Variants in EPHA3 observed in about 807,000 individuals in gnomAD.
EPHA3 encodes the protein EPH receptor A3.
In EPHA3, 42 loss-of-function variants were observed where a neutral mutation model predicts 107.1. That is an observed-to-expected ratio of 0.39 (90% CI 0.31 to 0.51). EPHA3 has a LOEUF of 0.51. Ranked by LOEUF, EPHA3 falls within the 20% of genes least tolerant of loss-of-function variation. EPHA3 has a pLI of 0.78. For missense variants in EPHA3, 1,183 were observed against 1,211.2 expected (o/e 0.98, Z 0.35); for synonymous variants, 461 against 424.8 (o/e 1.09, Z -1.05).
intron 5 of EPHA3, among the ~76,000 whole-genome samples, chr3:89,348,657 G>T (rs1238352774): frequency 7.4e-4 from 81 of 109,048 alleles, no homozygotes; most frequent in Middle Eastern, 4.8e-3. Flanking sequence ...CCTTCTGCTA[G>T]CTTTTGAATG....
intron 10 of EPHA3, among the ~76,000 whole-genome samples, chr3:89,415,467 A>AATATATATATATATATATATATAT (rs71621548): frequency 9.9e-5 from 13 of 131,596 alleles, no homozygotes; most frequent in Non-Finnish European, 2.0e-4. Flanking sequence ...TTACAGAAAG[A>AATATATATATATATATATATATAT]ATATATATAT....
intron 3 of EPHA3, among the ~76,000 whole-genome samples, chr3:89,252,344 T>C (rs1413602280): frequency 6.6e-6 from 1 of 152,194 alleles, no homozygotes; most frequent in Non-Finnish European, 1.5e-5. Flanking sequence ...TTTTTGGCTA[T>C]TTGTGTTAAG....
chr3:89,438,562 G>T (rs1302732839), intron 13 of EPHA3, among the ~76,000 whole-genome samples: 1 of 151,832 alleles, frequency 6.6e-6, no homozygotes. Flanking sequence ...ACATTTTCAA[G>T]AACCAAAAAA....
At chr3:89,454,655 A>G (rs1710061226) in intron 15 of EPHA3, among the ~76,000 whole-genome samples, 1 of 152,190 alleles carries the variant, frequency 6.6e-6, no homozygotes, top group African/African-American at 2.4e-5. Flanking sequence ...ATCAATATTG[A>G]ATTCACGTTA....
At chr3:89,208,786 A>G (rs980937889) in intron 2 of EPHA3, among the ~76,000 whole-genome samples, 4 of 152,194 alleles carry the variant, frequency 2.6e-5, no homozygotes, top group African/African-American at 4.8e-5. Context: ...GTTTAGGACC[A>G]GTTTTAAGAG....
intron 2 of EPHA3, among the ~76,000 whole-genome samples, chr3:89,138,348 C>A (rs1704358873): frequency 6.6e-6 from 1 of 151,696 alleles, no homozygotes; most frequent in African/African-American, 2.4e-5. Context: ...TCAATATTTA[C>A]AAATACTTGT....
Position 89,324,969 on chromosome 3 carries a change from C to T in EPHA3, c.815-15947C>T, listed in dbSNP as rs1278655295. ...ATGTGCACTATTTGGTTTTCTGTTC[C>T]TGCCTAATTCACTTCGCATAATGGC... is the stretch of plus-strand genomic sequence containing the variant. On this transcript the variant is annotated intron_variant, in intron 3 of 16. Coordinates refer to ENST00000336596, the MANE Select transcript of EPHA3 (RefSeq NM_005233.6). Among the ~76,000 whole-genome samples the T allele has an allele frequency of 3.9e-5, 6 of 152,216 alleles. No individual in the cohort carries two copies. In the East Asian group the frequency reaches 1.2e-3, roughly 29 times the overall value.
chr3:89,205,790 T>A (rs1462481925), intron 2 of EPHA3, among the ~76,000 whole-genome samples: 2 of 151,888 alleles, frequency 1.3e-5, no homozygotes, highest in African/African-American at 4.8e-5. Flanking sequence ...TATGTTACCA[T>A]TGCTATGTCT....
At chr3:89,139,752 C>T (rs575229996) in intron 2 of EPHA3, among the ~76,000 whole-genome samples, 4 of 151,796 alleles carry the variant, frequency 2.6e-5, no homozygotes, top group South Asian at 2.1e-4. Context: ...ATGAAGGTCA[C>T]GTCATTACCT....
At chr3:89,387,369 A>G (rs189164838) in intron 5 of EPHA3, among the ~76,000 whole-genome samples, 1 of 152,260 alleles carries the variant, frequency 6.6e-6, no homozygotes, top group Non-Finnish European at 1.5e-5. Flanking sequence ...CTTCCCTGCC[A>G]CTTCACTCTG....
intron 2 of EPHA3, among the ~76,000 whole-genome samples, chr3:89,202,964 T>C (rs778447419): frequency 7.5e-4 from 114 of 152,114 alleles, no homozygotes; most frequent in Non-Finnish European, 1.3e-3. Context: ...GTTATTCAGG[T>C]GAGCTTCTGT....
At chr3:89,199,449 T>A (rs1170638731) in intron 2 of EPHA3, among the ~76,000 whole-genome samples, 2 of 152,214 alleles carry the variant, frequency 1.3e-5, no homozygotes, top group African/African-American at 4.8e-5. Context: ...ATAGCACACT[T>A]CATTGAAACT....
At chr3:89,441,508 C>A (rs962829788) in intron 13 of EPHA3, among the ~76,000 whole-genome samples, 3 of 152,118 alleles carry the variant, frequency 2.0e-5, no homozygotes, top group African/African-American at 7.2e-5. Context: ...AAAAACACAT[C>A]TTCATAAATA....
intron 9 of EPHA3, among the ~76,000 whole-genome samples, 187 bp from the exon 10 acceptor site, chr3:89,412,954 A>G (rs1709182616): frequency 6.6e-6 from 1 of 151,710 alleles, no homozygotes; most frequent in Admixed American, 6.6e-5. Context: ...CATAGAGAAC[A>G]TGTTTTCTTA....
intron 13 of EPHA3, among the ~76,000 whole-genome samples, chr3:89,448,924 T>C (rs1390042212): frequency 6.6e-6 from 1 of 152,072 alleles, no homozygotes; most frequent in African/African-American, 2.4e-5. Flanking sequence ...TCAGGTTGTT[T>C]TGTTGCAGAT....
At chr3:89,303,632 T>C (rs1365932135) in intron 3 of EPHA3, among the ~76,000 whole-genome samples, 1 of 152,148 alleles carries the variant, frequency 6.6e-6, no homozygotes, top group Non-Finnish European at 1.5e-5. Context: ...TTAGTCCACA[T>C]TAAAAAATTG....
At chr3:89,336,579 T>C (rs2107408847) in intron 3 of EPHA3, among the ~76,000 whole-genome samples, 1 of 152,304 alleles carries the variant, frequency 6.6e-6, no homozygotes, top group African/African-American at 2.4e-5. Context: ...CTCAAATTCA[T>C]TGAACAGTTT....
chr3:89,143,656 C>T (rs1308038769), intron 2 of EPHA3, among the ~76,000 whole-genome samples: 1 of 151,560 alleles, frequency 6.6e-6, no homozygotes, highest in Non-Finnish European at 1.5e-5. Context: ...ATTCTCTCCA[C>T]CTACTTTCTC....
At chr3:89,242,915 C>G (rs1421414481) in intron 3 of EPHA3, among the ~76,000 whole-genome samples, 2 of 124,814 alleles carry the variant, frequency 1.6e-5, no homozygotes, top group Admixed American at 1.8e-4. Flanking sequence ...TCCCCCCACC[C>G]CACAACAGGC....
Sources: allele counts gnomAD v4.1 joint callset (sites outside exome capture counted in the v4.1 genomes callset), GRCh38; gene constraint gnomAD v4.1.1; transcripts MANE v1.5; gene names NCBI Gene and HGNC (gene_info 2026-07-23, HGNC 2026-07-21).